The following KYNU variants were observed in gnomAD, a reference collection of about 807,000 sequenced individuals.
The protein encoded by KYNU is kynureninase, also known as L-kynurenine hydrolase.
A neutral mutation model predicts 59.2 loss-of-function variants in KYNU; 54 were observed. That is an observed-to-expected ratio of 0.91 (90% CI 0.73 to 1.14). The LOEUF is 1.14. Ranked by LOEUF, KYNU falls within the 50% of genes most tolerant of loss-of-function variation. KYNU has a pLI of 0.00. For synonymous variants in KYNU, 177 were observed against 192.0 expected, an observed-to-expected ratio of 0.92 and a Z score of 0.65; for missense variants, 567 against 554.4, an observed-to-expected ratio of 1.02 and a Z score of -0.23.
intron 10 of KYNU, among the ~76,000 whole-genome samples, chr2:143,027,367 A>G (rs1226090537): frequency 2.0e-5 from 3 of 152,166 alleles, no homozygotes; most frequent in Non-Finnish European, 2.9e-5. Context: ...GAAAATATGC[A>G]TAATTTTAAG....
rs1189504410 is a variant in KYNU at position 143,050,169 on chromosome 2, A to G, written c.*7997A>G. ...ATAAATATAATAAATATTTGAAGCA[A>G]TTGTATTTTTTAAAAATTTCTTCTA... On this transcript the variant is annotated 3_prime_UTR_variant, in exon 14 of 14. Transcript: ENST00000264170. 6.6e-6 allele frequency: 1 copy of G among 150,850 alleles called. No homozygotes were observed. The highest frequency in any genetic ancestry group is 2.4e-5 in the African/African-American group (1 of 41,232). 9.3% of individuals were successfully genotyped at this position (150,850 alleles called of 1,614,324 possible).
Position 142,955,356 on chromosome 2 carries a change from T to G in KYNU, c.435+485T>G, listed in dbSNP as rs181652014. On this transcript the variant is annotated intron_variant, in intron 5 of 13. Transcript: ENST00000264170. ...GTTTAAAGTACTTCTTACATCTTAC[T>G]CAATAAACAGTTTTACCTTAAAGTG... is the stretch of plus-strand genomic sequence containing the variant. Among the ~76,000 whole-genome samples, 17 of 152,226 alleles carry G rather than the reference T, an allele frequency of 1.1e-4. No homozygotes were observed. In the East Asian group the frequency reaches 3.3e-3, roughly 29 times the overall value.
Position 142,978,599 on chromosome 2 carries a change from A to G in KYNU, c.730-6485A>G, listed in dbSNP as rs114563307. The stretch of plus-strand genomic sequence containing the variant: ...ACTGGAGTCTGGGCCAGTCCCTAGC[A>G]GTGAACATTCACAGGCTGATATTCG... On this transcript the variant is annotated intron_variant, in intron 8 of 13. Transcript: ENST00000264170. 7.7e-3 allele frequency among the ~76,000 whole-genome samples: 1,171 copies of G among 152,322 alleles called. 8 individuals are homozygous for G. Among genetic ancestry groups the G allele is most frequent in the African/African-American group, 0.027 (1,125 of 41,578 alleles).
At position 143,049,172 on chromosome 2, in the gene KYNU, T is replaced by C. The variant is rs1687221517; in HGVS notation, c.*7000T>C. The C allele has an allele frequency of 6.6e-6, 1 of 152,224 alleles. No homozygotes were observed. Among genetic ancestry groups the C allele is most frequent in the South Asian group, 2.1e-4 (1 of 4,832 alleles). The allele number at this position is 152,224 out of a possible 1,614,324, so 9.4% of individuals were successfully genotyped here. On this transcript the variant is annotated 3_prime_UTR_variant, in exon 14 of 14. Transcript: ENST00000264170. Reference sequence around the variant, plus strand: ...TCTCTCCTTTATGCCTTTAACTTCATATTTTCTATTTCTTTGAATTTCTGG... The same window carrying C: ...TCTCTCCTTTATGCCTTTAACTTCACATTTTCTATTTCTTTGAATTTCTGG...
At chr2:143,033,166 G>A in intron 11 of KYNU, 70 bp from the exon 12 acceptor site, 2 of 1,033,840 alleles carry the variant, frequency 1.9e-6, no homozygotes, top group South Asian at 2.5e-5. Context: ...TTACTCTCCA[G>A]TACTCTAGTA....
chr2:142,932,965 G>T (rs1256323690), intron 4 of KYNU, among the ~76,000 whole-genome samples: 3 of 152,146 alleles, frequency 2.0e-5, no homozygotes, highest in Admixed American at 6.5e-5. Context: ...GGGTTTAGAT[G>T]GGAGCTGGTT....
chr2:143,021,237 A>G (rs1374319161), intron 10 of KYNU, among the ~76,000 whole-genome samples: 1 of 152,038 alleles, frequency 6.6e-6, no homozygotes, highest in Non-Finnish European at 1.5e-5. Context: ...GTTTGATAGG[A>G]CTTTCTCTTC....
chr2:142,936,701 A>AT (rs1683402031), intron 4 of KYNU, among the ~76,000 whole-genome samples: 1 of 152,112 alleles, frequency 6.6e-6, no homozygotes, highest in Admixed American at 6.5e-5. Context: ...GGCCATGTAG[A>AT]TTTTTCCCTG....
At position 143,026,222 on chromosome 2, in the gene KYNU, A is replaced by G. The variant is rs16858532; in HGVS notation, c.903-3405A>G. ...GTGATCTCTATTTTAATCTTTTTGT[A>G]TATATATTCTTTTAAATAGGATTTT... On this transcript the variant is annotated intron_variant, in intron 10 of 13. Coordinates refer to ENST00000264170, the MANE Select transcript of KYNU (RefSeq NM_003937.3). Among the ~76,000 whole-genome samples, 602 of 152,300 alleles carry G rather than the reference A, an allele frequency of 4.0e-3. 4 individuals are homozygous for G. The highest frequency in any genetic ancestry group is 0.014 in the African/African-American group (574 of 41,570).
Position 142,947,098 on chromosome 2 carries a change from G to C in KYNU, c.374-7712G>C, listed in dbSNP as rs1005234190. The C allele has an allele frequency of 4.5e-6, 7 of 1,550,802 alleles. No individual in the cohort carries two copies. The African/African-American group carries it at 9.6e-5, about 21-fold the overall frequency. ...ATGTCAAACAATATGTCCTTTTGTT[G>C]CTTTTTTCAGCCACCCTTACAGACC... On this transcript the variant is annotated intron_variant, in intron 4 of 13. Transcript: ENST00000264170.
At position 143,055,664 on chromosome 2, in the gene KYNU, AAGG is replaced by A. The variant is rs1207146678; in HGVS notation, c.*13494_*13496del. 6 of 152,160 alleles carry A rather than the reference AAGG, an allele frequency of 3.9e-5. No individual in the cohort carries two copies. Among genetic ancestry groups the A allele is most frequent in the African/African-American group, 1.5e-4 (6 of 41,314 alleles). The allele number at this position is 152,160 out of a possible 1,614,324, so 9.4% of individuals were successfully genotyped here. A position where few individuals can be genotyped will look rare whatever the true frequency, so the allele number is the denominator to read the frequency against. ...GAAGGAAGGAAGGAAGGAAGGAAGG[AAGG>A]AAGGAAGGAAGGAAGGAAAGGGAGG... On this transcript the variant is annotated 3_prime_UTR_variant, in exon 14 of 14. Coordinates refer to ENST00000264170, the MANE Select transcript of KYNU (RefSeq NM_003937.3).
At chr2:142,937,022 G>C (rs1394788267) in intron 4 of KYNU, among the ~76,000 whole-genome samples, 3 of 152,194 alleles carry the variant, frequency 2.0e-5, no homozygotes, top group African/African-American at 7.2e-5. Flanking sequence ...AGCACCAAGT[G>C]AGGACGGGAT....
At chr2:143,001,930 A>G (rs529804597) in intron 10 of KYNU, among the ~76,000 whole-genome samples, 8 of 152,338 alleles carry the variant, frequency 5.3e-5, no homozygotes, top group Non-Finnish European at 1.2e-4. Context: ...AAGCTTTGCT[A>G]AACTATTCCT....
At chr2:142,987,316 T>C (rs1017275553) in intron 10 of KYNU, among the ~76,000 whole-genome samples, 1 of 150,206 alleles carries the variant, frequency 6.7e-6, no homozygotes, top group African/African-American at 2.5e-5. Context: ...TAGAAGGAGG[T>C]GGGGTGGGGG....
chr2:142,925,185 A>C (rs1181928055), intron 3 of KYNU, among the ~76,000 whole-genome samples: 1 of 152,320 alleles, frequency 6.6e-6, no homozygotes, highest in Non-Finnish European at 1.5e-5. Context: ...AAAAGGATCC[A>C]AGTATCTTCC....
intron 2 of KYNU, among the ~76,000 whole-genome samples, chr2:142,897,574 G>C (rs1159065242): frequency 6.6e-6 from 1 of 152,072 alleles, no homozygotes; most frequent in Non-Finnish European, 1.5e-5. Flanking sequence ...AACAAACACA[G>C]CTGAAATCTT....
In KYNU at chr2:143,046,996, T is replaced by C. The variant is rs1322892078; in HGVS notation, c.*4824T>C. ...TCAAAATTTTTTATTTTCTCTATTATGGAAACGCACATTTATAGTTTGACA... is the reference window on the plus strand; with the variant it reads ...TCAAAATTTTTTATTTTCTCTATTACGGAAACGCACATTTATAGTTTGACA... On this transcript the variant is annotated 3_prime_UTR_variant, in exon 14 of 14. Coordinates refer to ENST00000264170, the MANE Select transcript of KYNU (RefSeq NM_003937.3). 1 of 152,204 alleles carries C rather than the reference T, an allele frequency of 6.6e-6. No homozygotes were observed. Among genetic ancestry groups the C allele is most frequent in the African/African-American group, 2.4e-5 (1 of 41,466 alleles). 9.4% of individuals were successfully genotyped at this position (152,204 alleles called of 1,614,324 possible).
In KYNU at chr2:143,007,190, A is replaced by C. The variant is rs1685936198; in HGVS notation, c.902+21169A>C. ...TTTAGAAGAATGTATAACTAGAATAACCAATACAGAGAAGTGCTTAAAGGA... is the reference window on the plus strand; with the variant it reads ...TTTAGAAGAATGTATAACTAGAATACCCAATACAGAGAAGTGCTTAAAGGA... On this transcript the variant is annotated intron_variant, in intron 10 of 13. Transcript: ENST00000264170. 2.6e-5 allele frequency among the ~76,000 whole-genome samples: 4 copies of C among 150,958 alleles called. No homozygotes were observed. The South Asian group carries it at 8.3e-4, about 31-fold the overall frequency.
intron 1 of KYNU, among the ~76,000 whole-genome samples, chr2:142,880,386 T>C (rs923452212): frequency 6.6e-6 from 1 of 152,242 alleles, no homozygotes. Context: ...GATGGGCTTG[T>C]CTTGTCACCT....
Sources: gnomAD v4.1 joint callset for allele counts (sites outside exome capture counted in the v4.1 genomes callset) on GRCh38, gnomAD v4.1.1 for gene constraint, MANE v1.5 for transcripts, NCBI Gene and HGNC (gene_info 2026-07-23, HGNC 2026-07-21) for gene names.